MORC4: variants seen among roughly 807,000 people sequenced by gnomAD.
MORC4 encodes the protein MORC family CW-type zinc finger protein 4.
A neutral mutation model predicts 65.5 loss-of-function variants in MORC4; 22 were observed. The observed-to-expected ratio is 0.34, with a 90% confidence interval of 0.24 to 0.48. MORC4 has a LOEUF of 0.48. MORC4 is among the 20% of genes least tolerant of loss of function. MORC4 has a pLI of 0.99. For synonymous variants in MORC4, 267 were observed against 255.8 expected, an observed-to-expected ratio of 1.04 and a Z score of -0.42; for missense variants, 624 against 703.0, an observed-to-expected ratio of 0.89 and a Z score of 1.27.
At chrX:106,971,780 G>A (rs368781522) in intron 9 of MORC4, among the ~76,000 whole-genome samples, 6 of 111,951 alleles carry the variant, frequency 5.4e-5, no homozygotes, top group East Asian at 5.6e-4. Flanking sequence ...ACCATCTCAC[G>A]CCAGTTAGAA....
At chrX:106,997,957 T>C (rs1214981482) in intron 2 of MORC4, among the ~76,000 whole-genome samples, 1 of 112,303 alleles carries the variant, frequency 8.9e-6, no homozygotes, top group Non-Finnish European at 1.9e-5. Context: ...TATATATCGA[T>C]TTCCATTTTG....
chrX:106,951,699 G>A (rs973190727), intron 14 of MORC4, among the ~76,000 whole-genome samples: 1 of 110,967 alleles, frequency 9.0e-6, no homozygotes, highest in African/African-American at 3.3e-5. Flanking sequence ...TCACTCATAA[G>A]AGAACTATAC....
At chrX:106,998,881 C>T (rs1475113211) in intron 2 of MORC4, among the ~76,000 whole-genome samples, 2 of 112,115 alleles carry the variant, frequency 1.8e-5, no homozygotes, top group African/African-American at 6.5e-5. Context: ...AAAACATTTT[C>T]AAGAGTTTGT....
At chrX:106,986,445 G>A (rs1286957196) in intron 3 of MORC4, among the ~76,000 whole-genome samples, 1 of 111,716 alleles carries the variant, frequency 9.0e-6, no homozygotes, top group African/African-American at 3.3e-5. Context: ...GTTCCATTAC[G>A]TTAGAGTCAC....
intron 7 of MORC4, among the ~76,000 whole-genome samples, chrX:106,979,492 GGA>G (rs1161284652): frequency 9.0e-6 from 1 of 111,006 alleles, no homozygotes; most frequent in Non-Finnish European, 1.9e-5. Context: ...ATTAGCATAA[GGA>G]GAGAGAACAA....
intron 12 of MORC4, 37 bp downstream of exon 12, chrX:106,956,899 C>A: frequency 9.3e-7 from 1 of 1,072,607 alleles, no homozygotes; most frequent in Non-Finnish European, 1.3e-6. Context: ...GGCTACTCTA[C>A]CCTATGGTAG....
intron 14 of MORC4, among the ~76,000 whole-genome samples, chrX:106,948,511 A>G (rs1473384811): frequency 8.9e-6 from 1 of 111,983 alleles, no homozygotes; most frequent in Non-Finnish European, 1.9e-5. Flanking sequence ...TTAACTACAC[A>G]GTTACTTTTA....
chrX:106,958,577 G>T, intron 10 of MORC4, 113 bp from the exon 11 acceptor site: 2 of 629,915 alleles, frequency 3.2e-6, no homozygotes, highest in Non-Finnish European at 4.6e-6. Context: ...TATGAAATAT[G>T]TTGGGAATGT....
chrX:106,991,368 C>T (rs1291797823), intron 3 of MORC4, among the ~76,000 whole-genome samples: 5 of 112,652 alleles, frequency 4.4e-5, no homozygotes, highest in Admixed American at 3.7e-4. Context: ...ACCACTTTAT[C>T]TCCAGTGCCT....
At position 106,985,998 on chromosome X, in the gene MORC4, A is replaced by G; in HGVS notation, c.511T>C (p.Phe171Leu). Residue 171 changes from phenylalanine to leucine, a missense_variant, in exon 4 of 17, where the codon TTC becomes CTC. Phe to Leu is a conservative substitution (Grantham distance 22). Transcript: ENST00000355610. Reference protein sequence around the residue: ...AQAVIVPIVPFNQQNKKMIIT... With the variant: ...AQAVIVPIVPLNQQNKKMIIT... ...GAAAGGATATTGTTTTGCTGGTTGA[A>G]TGGAACAATTGGTACAATAACTGCC... 8.3e-7 allele frequency: 1 copy of G among 1,206,585 alleles called. No homozygotes were observed. The highest frequency in any genetic ancestry group is 1.1e-6 in the Non-Finnish European group (1 of 892,032).
At chrX:106,956,769 C>G (rs776107478) in intron 12 of MORC4, among the ~76,000 whole-genome samples, 167 bp downstream of exon 12, 22 of 110,970 alleles carry the variant, frequency 2.0e-4, no homozygotes, top group African/African-American at 6.9e-4. Flanking sequence ...CTAGTTGAGA[C>G]ATTCAGGAGA....
At chrX:106,946,397 T>C (rs999793695) in intron 14 of MORC4, among the ~76,000 whole-genome samples, 1 of 112,793 alleles carries the variant, frequency 8.9e-6, no homozygotes, top group East Asian at 2.8e-4. Context: ...ATATGATTTT[T>C]AACTTGCTTC....
In MORC4 at chrX:106,940,812, A is replaced by C. The variant is rs1264249275; in HGVS notation, c.*667T>G. 8.9e-6 allele frequency: 1 copy of C among 112,171 alleles called. No homozygotes were observed. The highest frequency in any genetic ancestry group is 1.9e-5 in the Non-Finnish European group (1 of 53,143). The allele number at this position is 112,171 out of a possible 1,213,427, so 9.2% of individuals were successfully genotyped here. A position where few individuals can be genotyped will look rare whatever the true frequency, so the allele number is the denominator to read the frequency against. On this transcript the variant is annotated 3_prime_UTR_variant, in exon 17 of 17. Coordinates refer to ENST00000355610, the MANE Select transcript of MORC4 (RefSeq NM_024657.5). Reference sequence around the variant, plus strand: ...ATATTGAAAATCTGAAAAAGGCAGGAAGATAGGAAGAAGAAAAATATCAAC... The same window carrying C: ...ATATTGAAAATCTGAAAAAGGCAGGCAGATAGGAAGAAGAAAAATATCAAC...
intron 5 of MORC4, 71 bp from the exon 6 acceptor site, chrX:106,981,548 C>A: frequency 4.3e-6 from 4 of 922,718 alleles, no homozygotes; most frequent in Non-Finnish European, 4.3e-6. Context: ...ACTAGGAGCC[C>A]AAAAGAAAAA....
chrX:106,999,633 C>A, intron 2 of MORC4, 44 bp downstream of exon 2: 1 of 1,103,469 alleles, frequency 9.1e-7, no homozygotes, highest in Middle Eastern at 2.8e-4. Flanking sequence ...ACGCTGGCAC[C>A]ACTGCCTCGG....
chrX:106,947,571 T>TA (rs1555982139), intron 14 of MORC4, among the ~76,000 whole-genome samples: 1,480 of 77,851 alleles, frequency 0.019, 34 homozygotes, highest in Admixed American at 0.044. Flanking sequence ...TATATATATA[T>TA]TATATATATA....
intron 15 of MORC4, 35 bp from the exon 16 acceptor site, chrX:106,942,256 C>T (rs780578045): frequency 1.7e-6 from 2 of 1,176,571 alleles, no homozygotes. Context: ...AATGACCCCA[C>T]AAAAGAGCAC....
chrX:106,999,102 G>C (rs1935129749), intron 2 of MORC4, among the ~76,000 whole-genome samples: 1 of 111,832 alleles, frequency 8.9e-6, no homozygotes, highest in South Asian at 3.8e-4. Flanking sequence ...GAGAGGTTAA[G>C]TCCTCAATAT....
chrX:106,943,483 C>T (rs760444471), intron 14 of MORC4, among the ~76,000 whole-genome samples: 8 of 111,100 alleles, frequency 7.2e-5, no homozygotes, highest in East Asian at 2.9e-4. Flanking sequence ...AATAAGATTG[C>T]GACCAGCCTG....
Sources: gnomAD v4.1 joint callset for allele counts (sites outside exome capture counted in the v4.1 genomes callset) on GRCh38, gnomAD v4.1.1 for gene constraint, MANE v1.5 for transcripts, NCBI Gene and HGNC (gene_info 2026-07-23, HGNC 2026-07-21) for gene names.